The following SCARA5 variants were observed in gnomAD, a reference collection of about 807,000 sequenced individuals.
The protein encoded by SCARA5 is scavenger receptor class A member 5.
A neutral mutation model predicts 46.3 loss-of-function variants in SCARA5; 45 were observed. The ratio of observed to expected loss-of-function variants is 0.97; its 90% confidence interval spans 0.76 to 1.24. The LOEUF (loss-of-function observed/expected upper bound fraction) is 1.24, where lower values mean the gene tolerates loss of function less well. SCARA5 is among the 50% of genes most tolerant of loss of function. SCARA5 has a pLI of 0.00. For missense variants in SCARA5, 680 were observed against 689.0 expected (o/e 0.99, Z 0.15); for synonymous variants, 333 against 306.5 (o/e 1.09, Z -0.90).
rs1046549430 is a variant in SCARA5 at position 27,980,817 on chromosome 8, A to T, written c.112+6687T>A. On this transcript the variant is annotated intron_variant, in intron 2 of 8. Coordinates refer to ENST00000354914, the MANE Select transcript of SCARA5 (RefSeq NM_173833.6). ...AATATTCGAGAAACAGGACTAAAGG[A>T]ACTTGCTCAATTTCCTGGAGTATCT... Among the ~76,000 whole-genome samples, 51 of 152,172 alleles carry T rather than the reference A, an allele frequency of 3.4e-4. 1 individual carries two copies. Among genetic ancestry groups the T allele is most frequent in the African/African-American group, 1.2e-3 (48 of 41,428 alleles).
intron 3 of SCARA5, among the ~76,000 whole-genome samples, chr8:27,931,485 G>T (rs1451355993): frequency 6.6e-6 from 1 of 151,980 alleles, no homozygotes; most frequent in Non-Finnish European, 1.5e-5. Flanking sequence ...CAATGGTCAG[G>T]GTCAGGCCTG....
In SCARA5 at chr8:27,922,499, C is replaced by T. The variant is rs180767338; in HGVS notation, c.242-254G>A. ...CAGAAATTGTGATTGAATTGGTATG[C>T]GGTGTTACCTGGGCTTTGGAATTTT... On this transcript the variant is annotated intron_variant, in intron 3 of 8. Coordinates refer to ENST00000354914, the MANE Select transcript of SCARA5 (RefSeq NM_173833.6). Among the ~76,000 whole-genome samples the T allele has an allele frequency of 7.0e-4, 106 of 152,224 alleles. 1 individual carries two copies. The highest frequency in any genetic ancestry group is 4.6e-3 in the East Asian group (24 of 5,178).
At chr8:27,991,452 C>G (rs981474628) in intron 1 of SCARA5, among the ~76,000 whole-genome samples, 2 of 152,154 alleles carry the variant, frequency 1.3e-5, no homozygotes, top group Non-Finnish European at 1.5e-5. Context: ...AAGGCAATCG[C>G]GAATGCACTC....
intron 6 of SCARA5, 82 bp from the exon 7 acceptor site, chr8:27,904,916 A>G: frequency 8.1e-7 from 1 of 1,240,336 alleles, no homozygotes; most frequent in Non-Finnish European, 1.2e-6. Flanking sequence ...GAGATTGATG[A>G]ACTCGAGACC....
At chr8:27,961,254 G>T (rs1047013310) in intron 3 of SCARA5, among the ~76,000 whole-genome samples, 7 of 152,322 alleles carry the variant, frequency 4.6e-5, no homozygotes, top group African/African-American at 1.7e-4. Context: ...ATACCCTCAT[G>T]AATGTCTTGG....
intron 2 of SCARA5, among the ~76,000 whole-genome samples, chr8:27,979,435 G>A (rs776380259): frequency 1.2e-4 from 19 of 152,286 alleles, no homozygotes; most frequent in Non-Finnish European, 4.4e-5. Flanking sequence ...CAGGCGCTAC[G>A]GGTTTCCCAT....
intron 3 of SCARA5, among the ~76,000 whole-genome samples, chr8:27,958,978 A>G (rs1197378524): frequency 6.6e-6 from 1 of 152,142 alleles, no homozygotes; most frequent in African/African-American, 2.4e-5. Context: ...CATGCCTGCA[A>G]TCCCAGCACG....
chr8:27,903,233 G>A (rs564371244), intron 7 of SCARA5: 3 of 152,304 alleles, frequency 2.0e-5, no homozygotes, highest in Admixed American at 2.0e-4. Context: ...AGGACCTAGT[G>A]AGACCAAGGA....
rs1384225376 is a variant in SCARA5 at position 27,871,310 on chromosome 8, A to G, written c.*624T>C. The G allele has an allele frequency of 2.5e-6, 1 of 393,406 alleles. No individual in the cohort carries two copies. The allele number at this position is 393,406 out of a possible 1,614,324, so 24.4% of individuals were successfully genotyped here. A position where few individuals can be genotyped will look rare whatever the true frequency, so the allele number is the denominator to read the frequency against. On this transcript the variant is annotated 3_prime_UTR_variant, in exon 9 of 9. Transcript: ENST00000354914. ...CGTGCCATGGTAGTCATTCAATGTTAGTTTCATTCCCTTCTCCAAATCTAG... is the reference window on the plus strand; with the variant it reads ...CGTGCCATGGTAGTCATTCAATGTTGGTTTCATTCCCTTCTCCAAATCTAG...
At chr8:27,979,767 C>T (rs1319574661) in intron 2 of SCARA5, among the ~76,000 whole-genome samples, 1 of 152,046 alleles carries the variant, frequency 6.6e-6, no homozygotes, top group Admixed American at 6.6e-5. Context: ...CACCATGTTG[C>T]CCAGGCTGGT....
chr8:27,963,264 G>A (rs1188240807), intron 3 of SCARA5, among the ~76,000 whole-genome samples: 5 of 152,220 alleles, frequency 3.3e-5, no homozygotes, highest in Non-Finnish European at 7.3e-5. Flanking sequence ...CTTGCCTGAA[G>A]TGCTGGATTG....
At chr8:27,916,289 G>A (rs1247978686) in intron 4 of SCARA5, among the ~76,000 whole-genome samples, 1 of 152,194 alleles carries the variant, frequency 6.6e-6, no homozygotes, top group African/African-American at 2.4e-5. Flanking sequence ...TGAGAGTGTG[G>A]TGAGTGTATG....
chr8:27,965,461 C>T (rs1808355012), intron 3 of SCARA5, among the ~76,000 whole-genome samples: 1 of 152,198 alleles, frequency 6.6e-6, no homozygotes, highest in Non-Finnish European at 1.5e-5. Context: ...GCTCTGTCAC[C>T]ATCGCATTGG....
At chr8:27,931,414 C>T (rs189257951) in intron 3 of SCARA5, among the ~76,000 whole-genome samples, 16 of 152,162 alleles carry the variant, frequency 1.1e-4, no homozygotes, top group African/African-American at 2.6e-4. Context: ...ACCACCCCCT[C>T]GCCACCCCAG....
In SCARA5 at chr8:27,989,153, TGA is replaced by T. The variant is rs376577635; in HGVS notation, c.-15-1525_-15-1524del. ...TCTTTTTTTTTTTTTTTTTTTTTTT[TGA>T]GACAGGGTCTCACTCTGTTGCCCAG... On this transcript the variant is annotated intron_variant, in intron 1 of 8. Coordinates refer to ENST00000354914, the MANE Select transcript of SCARA5 (RefSeq NM_173833.6). 1.8e-4 allele frequency among the ~76,000 whole-genome samples: 21 copies of T among 118,288 alleles called. No homozygotes were observed. The East Asian group carries it at 4.0e-3, about 22-fold the overall frequency. 77.6% of individuals were successfully genotyped at this position (118,288 alleles called of 152,430 possible).
intron 8 of SCARA5, among the ~76,000 whole-genome samples, chr8:27,879,274 G>C (rs924296372): frequency 7.2e-5 from 11 of 152,146 alleles, no homozygotes; most frequent in South Asian, 2.1e-4. Flanking sequence ...GCCAGGGAGA[G>C]AGAGACCACA....
intron 2 of SCARA5, among the ~76,000 whole-genome samples, chr8:27,980,593 C>T (rs902802626): frequency 6.6e-6 from 1 of 152,150 alleles, no homozygotes; most frequent in Admixed American, 6.5e-5. Context: ...GCCCCTGGTG[C>T]CTCTGTACCC....
intron 3 of SCARA5, among the ~76,000 whole-genome samples, chr8:27,957,647 G>C (rs1808225991): frequency 6.6e-6 from 1 of 152,224 alleles, no homozygotes; most frequent in South Asian, 2.1e-4. Context: ...GCCATTCCCA[G>C]CTGCAGTCCA....
At chr8:27,872,519 CCT>C (rs1326461110) in intron 8 of SCARA5, among the ~76,000 whole-genome samples, 1 of 152,160 alleles carries the variant, frequency 6.6e-6, no homozygotes, top group Non-Finnish European at 1.5e-5. Flanking sequence ...ATTTTCAGCC[CCT>C]GTTGTCACGG....
Sources: gnomAD v4.1 joint callset for allele counts (sites outside exome capture counted in the v4.1 genomes callset) on GRCh38, gnomAD v4.1.1 for gene constraint, MANE v1.5 for transcripts, NCBI Gene and HGNC (gene_info 2026-07-23, HGNC 2026-07-21) for gene names.